The following MKLN1 variants were observed in gnomAD, a reference collection of about 807,000 sequenced individuals.
MKLN1 encodes the protein muskelin 1, also known as muskelin.
Under a neutral mutation model 99.0 loss-of-function variants are expected in MKLN1, and 18 were observed. The ratio of observed to expected loss-of-function variants is 0.18; its 90% CI spans 0.13 to 0.27. The LOEUF (loss-of-function observed/expected upper bound fraction) is 0.27, where lower values mean the gene tolerates loss of function less well. MKLN1 is among the 10% of genes least tolerant of loss of function. The pLI is 1.00. For missense variants in MKLN1, 621 were observed against 875.9 expected (o/e 0.71, Z 3.67); for synonymous variants, 288 against 293.2 (o/e 0.98, Z 0.18).
chr7:131,228,746 A>G (rs1487548555), intron 3 of MKLN1, among the ~76,000 whole-genome samples: 2 of 152,214 alleles, frequency 1.3e-5, no homozygotes, highest in Non-Finnish European at 2.9e-5. Context: ...AAGTCTTATC[A>G]ATCAATTTAA....
At chr7:131,196,741 G>T (rs1418247878) in intron 2 of MKLN1, among the ~76,000 whole-genome samples, 2 of 152,036 alleles carry the variant, frequency 1.3e-5, no homozygotes, top group African/African-American at 4.8e-5. Context: ...TCTCCTTCTA[G>T]CTTGCTCTGT....
At chr7:131,376,523 TC>T (rs903248783) in intron 2 of MKLN1, among the ~76,000 whole-genome samples, 2 of 151,192 alleles carry the variant, frequency 1.3e-5, no homozygotes, top group Admixed American at 1.3e-4. Context: ...ACGCCTATAG[TC>T]CCAGCTACTC....
Position 131,487,264 on chromosome 7 carries a change from A to G in MKLN1, c.2087-343A>G, listed in dbSNP as rs898223184. Among the ~76,000 whole-genome samples the G allele has an allele frequency of 2.0e-5, 3 of 152,168 alleles. No homozygotes were observed. The highest frequency in any genetic ancestry group is 4.8e-5 in the African/African-American group (2 of 41,442). On this transcript the variant is annotated intron_variant, in intron 17 of 17. Coordinates refer to ENST00000352689, the MANE Select transcript of MKLN1 (RefSeq NM_013255.5). The surrounding 1 kb of genome is among the most constrained non-coding windows in gnomAD (Gnocchi z 4.7). ...CCAGCAGAGAAAAGACCTAATAAGG[A>G]AAAAAAGAGAGATCAGTATTATTTG... is the stretch of plus-strand genomic sequence containing the variant.
chr7:131,310,334 T>C (rs1275858319), intron 3 of MKLN1: 1 of 152,204 alleles, frequency 6.6e-6, no homozygotes, highest in African/African-American at 2.4e-5. Flanking sequence ...TTTTTCTCAT[T>C]TCTTCCTTTT....
chr7:131,471,302 T>C (rs1419930312), intron 16 of MKLN1: 1 of 169,600 alleles, frequency 5.9e-6, no homozygotes, highest in Non-Finnish European at 1.2e-5. Flanking sequence ...CTGTGGATAG[T>C]TAAGATCCCC....
At chr7:131,145,108 C>T (rs757882841) in intron 2 of MKLN1, among the ~76,000 whole-genome samples, 7 of 152,164 alleles carry the variant, frequency 4.6e-5, no homozygotes, top group Non-Finnish European at 8.8e-5. Context: ...AAGACAATAA[C>T]ATTGATGGCC....
At chr7:131,344,979 T>C (rs1799513178) in intron 1 of MKLN1, among the ~76,000 whole-genome samples, 1 of 152,140 alleles carries the variant, frequency 6.6e-6, no homozygotes, top group Non-Finnish European at 1.5e-5. Flanking sequence ...TTTTTTTTTG[T>C]ATTTTTAGTA....
At chr7:131,299,438 G>C (rs531089391) in intron 3 of MKLN1, among the ~76,000 whole-genome samples, 36 of 152,256 alleles carry the variant, frequency 2.4e-4, no homozygotes, top group African/African-American at 7.7e-4. Context: ...TTTAAGGAGT[G>C]CTAACTATGA....
rs576492498 is a variant in MKLN1 at position 131,112,848 on chromosome 7, A to T, written c.-419+2641A>T. On this transcript the variant is annotated intron_variant, in intron 1 of 7. Coordinates refer to the MKLN1 transcript ENST00000416992. The stretch of plus-strand genomic sequence containing the variant: ...ATTTGCCTGTGTTTTAATTAGTGCT[A>T]GGCAAAAATAGACCTAGCTCAGCTC... Among the ~76,000 whole-genome samples, 7 of 152,384 alleles carry T rather than the reference A, an allele frequency of 4.6e-5. No individual in the cohort carries two copies. The East Asian group carries it at 1.3e-3, about 29-fold the overall frequency.
At chr7:131,330,867 A>G (rs1799052594) in intron 1 of MKLN1, among the ~76,000 whole-genome samples, 2 of 152,150 alleles carry the variant, frequency 1.3e-5, no homozygotes, top group South Asian at 2.1e-4. Flanking sequence ...AGATTCAGTT[A>G]TAGGGAACAC....
chr7:131,414,173 T>G (rs544572849), intron 7 of MKLN1, among the ~76,000 whole-genome samples: 1 of 152,284 alleles, frequency 6.6e-6, no homozygotes, highest in Non-Finnish European at 1.5e-5. Context: ...TATACAAAAT[T>G]AATATCATTA....
At chr7:131,271,303 G>T (rs1447743224) in intron 3 of MKLN1, among the ~76,000 whole-genome samples, 1 of 152,088 alleles carries the variant, frequency 6.6e-6, no homozygotes, top group Non-Finnish European at 1.5e-5. Flanking sequence ...TTGAGGAAAG[G>T]CATGAGATGG....
chr7:131,273,228 G>T (rs1420507256), intron 3 of MKLN1, among the ~76,000 whole-genome samples: 1 of 152,190 alleles, frequency 6.6e-6, no homozygotes. Context: ...GAGACCAGCT[G>T]GTGTGCCTGT....
At chr7:131,301,911 G>A (rs7786491) in intron 3 of MKLN1, among the ~76,000 whole-genome samples, 1,645 of 152,274 alleles carry the variant, frequency 0.011, 32 homozygotes, top group African/African-American at 0.038. Flanking sequence ...CAGGTAACAT[G>A]TGCAATATTT....
chr7:131,279,919 A>C (rs1798027012), intron 3 of MKLN1, among the ~76,000 whole-genome samples: 1 of 152,118 alleles, frequency 6.6e-6, no homozygotes, highest in Non-Finnish European at 1.5e-5. Flanking sequence ...AACATCCCCC[A>C]AAAGACCCCT....
Position 131,369,905 on chromosome 7 carries a change from C to T in MKLN1, c.99-5519C>T, listed in dbSNP as rs144052019. The stretch of plus-strand genomic sequence containing the variant: ...AAGCTGGAGTGCGATTGTGTGATCT[C>T]GGCTCACTGCAACCTCTGCCTCCCG... On this transcript the variant is annotated intron_variant, in intron 1 of 17. Coordinates refer to ENST00000352689, the MANE Select transcript of MKLN1 (RefSeq NM_013255.5). 2.1e-4 allele frequency among the ~76,000 whole-genome samples: 32 copies of T among 151,770 alleles called. No homozygotes were observed. The East Asian group carries it at 4.8e-3, about 23-fold the overall frequency.
chr7:131,234,017 TC>T (rs1418915528), intron 3 of MKLN1, among the ~76,000 whole-genome samples: 1 of 152,176 alleles, frequency 6.6e-6, no homozygotes, highest in Non-Finnish European at 1.5e-5. Flanking sequence ...CTTGCTCTTG[TC>T]CCCCAGGCTA....
intron 3 of MKLN1, among the ~76,000 whole-genome samples, chr7:131,288,298 C>T (rs1283913719): frequency 6.6e-6 from 1 of 152,130 alleles, no homozygotes; most frequent in Non-Finnish European, 1.5e-5. Flanking sequence ...TAGGTATGCC[C>T]CTTCACAGTT....
At chr7:131,319,597 C>T (rs1043280897) in intron 3 of MKLN1, among the ~76,000 whole-genome samples, 5 of 152,170 alleles carry the variant, frequency 3.3e-5, no homozygotes, top group African/African-American at 7.2e-5. Flanking sequence ...TGGCCCAGGG[C>T]ACTCAGGCAA....
Sources: allele counts gnomAD v4.1 joint callset (sites outside exome capture counted in the v4.1 genomes callset), GRCh38; gene constraint gnomAD v4.1.1; non-coding constraint Gnocchi (gnomAD v3.1); transcripts MANE v1.5; gene names NCBI Gene and HGNC (gene_info 2026-07-23, HGNC 2026-07-21).